Variants in ADGRV1 observed in about 807,000 individuals in gnomAD.
ADGRV1 encodes the protein G-protein coupled receptor 98.
Under a neutral mutation model 596.2 loss-of-function variants are expected in ADGRV1, and 359 were observed. The ratio of observed to expected loss-of-function variants is 0.60; its 90% confidence interval spans 0.55 to 0.66. ADGRV1 has a LOEUF of 0.66. ADGRV1 is among the 30% of genes least tolerant of loss of function. The pLI is 0.00. For missense variants in ADGRV1, 7,274 were observed against 7,575.6 expected (o/e 0.96, Z 1.48); for synonymous variants, 2,681 against 2,679.2 (o/e 1.00, Z -0.02).
intron 70 of ADGRV1, among the ~76,000 whole-genome samples, chr5:90,802,253 G>T (rs1761453011): frequency 1.3e-5 from 2 of 152,070 alleles, no homozygotes; most frequent in Non-Finnish European, 2.9e-5. Flanking sequence ...GTCTTGCACT[G>T]TTGCCAGGCT....
intron 25 of ADGRV1, among the ~76,000 whole-genome samples, chr5:90,677,010 C>T (rs576153548): frequency 3.0e-4 from 46 of 152,204 alleles, no homozygotes; most frequent in African/African-American, 1.1e-3. Flanking sequence ...ATGTGTTTAT[C>T]AGGTGCTACT....
rs773573617 is a variant in ADGRV1 at position 90,778,602 on chromosome 5, C to G, written c.12842C>G (p.Ala4281Gly). ...CATGAGCAACTTCGAGTGTCAGAAG[C>G]ACAGAGGGTATAGTATGAAATGCTT... ...FSHEQLRVSE[A>G]QRVNITIIRS... Residue 4281 changes from alanine (A) to glycine (G), a missense_variant, in exon 63 of 90, where the codon GCA becomes GGA. By Grantham distance (60) the Ala-to-Gly change is moderately conservative. Around this residue, in one of 5 missense-constraint regions of ADGRV1, gnomAD observed 3,643 missense variants for 3,809.2 expected, o/e 0.96. Transcript: ENST00000405460. 8 of 1,595,194 alleles carry G rather than the reference C, an allele frequency of 5.0e-6. No individual in the cohort carries two copies. Among genetic ancestry groups the G allele is most frequent in the Non-Finnish European group, 6.8e-6 (8 of 1,170,202 alleles).
At position 90,651,645 on chromosome 5, in the gene ADGRV1, A is replaced by G; in HGVS notation, c.3331A>G (p.Ile1111Val). Residue 1111 changes from isoleucine to valine, a missense_variant, in exon 18 of 90, where the codon ATT becomes GTT. Coordinates refer to ENST00000405460, the MANE Select transcript of ADGRV1 (RefSeq NM_032119.4). ...TCAATATGGAGTAGCTACAGTAATA[A>G]TTGAAGCTAATGATGACCCAAATGG... ...VYQYGVATVI[I>V]EANDDPNGIF... 6.2e-7 allele frequency: 1 copy of G among 1,610,922 alleles called. No homozygotes were observed. Among genetic ancestry groups the G allele is most frequent in the Non-Finnish European group, 8.5e-7 (1 of 1,177,550 alleles).
chr5:91,118,711 C>A (rs1307866743), intron 87 of ADGRV1, among the ~76,000 whole-genome samples: 1 of 152,200 alleles, frequency 6.6e-6, no homozygotes, highest in Non-Finnish European at 1.5e-5. Context: ...ACACCTCTTA[C>A]AGTGCTAAGA....
intron 32 of ADGRV1, 91 bp from the exon 33 acceptor site, chr5:90,693,799 A>G: frequency 1.0e-6 from 1 of 982,448 alleles, no homozygotes; most frequent in Admixed American, 3.1e-5. Flanking sequence ...ATTTTTTTAA[A>G]AAACTAAAGA....
intron 59 of ADGRV1, among the ~76,000 whole-genome samples, chr5:90,771,496 T>C (rs1757689193): frequency 1.3e-5 from 2 of 152,144 alleles, no homozygotes; most frequent in South Asian, 4.1e-4. Flanking sequence ...TTAGAAAGTG[T>C]TTTATACAAC....
At chr5:90,704,532 C>G in intron 36 of ADGRV1, 44 bp downstream of exon 36, 1 of 1,225,022 alleles carries the variant, frequency 8.2e-7, no homozygotes. Context: ...ATATTCTTTT[C>G]GTAAAAGAAA....
intron 85 of ADGRV1, among the ~76,000 whole-genome samples, chr5:91,036,174 A>G (rs1233760976): frequency 6.6e-6 from 1 of 151,962 alleles, no homozygotes; most frequent in Non-Finnish European, 1.5e-5. Context: ...CTCCTTAGAA[A>G]ATCTGGTAAC....
rs991573065 is a variant in ADGRV1, at chr5:90,752,481, G to A, written c.11122-1093G>A. Among the ~76,000 whole-genome samples, 6 of 152,034 alleles carry A rather than the reference G, an allele frequency of 3.9e-5. No individual in the cohort carries two copies. The South Asian group carries it at 1.2e-3, about 32-fold the overall frequency. On this transcript the variant is annotated intron_variant, in intron 53 of 89. Coordinates refer to ENST00000405460, the MANE Select transcript of ADGRV1 (RefSeq NM_032119.4). The stretch of plus-strand genomic sequence containing the variant: ...TCCACCCTTGAATAAGCCCCAGTGT[G>A]TGTTGTTTCCCTCTATGCGTCCATG...
At chr5:91,120,983 G>A (rs1793265316) in intron 87 of ADGRV1, among the ~76,000 whole-genome samples, 1 of 152,122 alleles carries the variant, frequency 6.6e-6, no homozygotes, top group Non-Finnish European at 1.5e-5. Flanking sequence ...AGACCAGCCT[G>A]GCCAACATGG....
intron 75 of ADGRV1, among the ~76,000 whole-genome samples, chr5:90,822,849 C>A (rs1391652722): frequency 6.6e-6 from 1 of 152,072 alleles, no homozygotes; most frequent in Non-Finnish European, 1.5e-5. Context: ...CTTCACATCC[C>A]TTGTAAGTTG....
intron 1 of ADGRV1, among the ~76,000 whole-genome samples, chr5:90,595,315 C>G (rs1435471516): frequency 1.6e-5 from 1 of 62,732 alleles, no homozygotes; most frequent in Non-Finnish European, 2.9e-5. Flanking sequence ...ACCTCCCAGA[C>G]GGGGCGGCTG....
At chr5:91,124,782 C>T (rs1793607518) in intron 87 of ADGRV1, among the ~76,000 whole-genome samples, 1 of 152,136 alleles carries the variant, frequency 6.6e-6, no homozygotes, top group South Asian at 2.1e-4. Flanking sequence ...TTATTTAGTT[C>T]AGAGAAATTA....
chr5:90,675,227 C>G lies in ADGRV1; in HGVS notation c.5111-16C>G, dbSNP rs776299842. The G allele has an allele frequency of 4.4e-6, 7 of 1,608,200 alleles. No homozygotes were observed. In the East Asian group the frequency reaches 1.6e-4, roughly 36 times the overall value. ...AGTTCATTGGGACAATGCCCTGGCC[C>G]CTTTGTCTCCACTAGGCTTGCTGCA... On this transcript the variant is annotated splice_polypyrimidine_tract_variant and intron_variant, in intron 23 of 89. Coordinates refer to ENST00000405460, the MANE Select transcript of ADGRV1 (RefSeq NM_032119.4).
intron 87 of ADGRV1, among the ~76,000 whole-genome samples, chr5:91,134,125 G>T (rs1794436596): frequency 6.6e-6 from 1 of 151,982 alleles, no homozygotes; most frequent in African/African-American, 2.4e-5. Flanking sequence ...AGAAAAGTAG[G>T]CAAGTACAGA....
intron 1 of ADGRV1, among the ~76,000 whole-genome samples, chr5:90,595,848 C>T (rs1760415131): frequency 6.7e-6 from 1 of 149,810 alleles, no homozygotes; most frequent in African/African-American, 2.5e-5. Flanking sequence ...CTGACGCCCC[C>T]ACCTCCCTCC....
At chr5:90,956,109 A>T (rs1777454166) in intron 83 of ADGRV1, among the ~76,000 whole-genome samples, 1 of 152,144 alleles carries the variant, frequency 6.6e-6, no homozygotes, top group African/African-American at 2.4e-5. Context: ...ATGTATGCTT[A>T]TCTAAGTCCA....
Position 90,778,612 on chromosome 5 carries a change from A to AT in ADGRV1, c.12849+4dup. The AT allele has an allele frequency of 1.3e-6, 2 of 1,542,976 alleles. No individual in the cohort carries two copies. Among genetic ancestry groups the AT allele is most frequent in the Non-Finnish European group, 1.7e-6 (2 of 1,147,988 alleles). On this transcript the variant is annotated splice_donor_region_variant and intron_variant, in intron 63 of 89. Transcript: ENST00000405460. ...TTCGAGTGTCAGAAGCACAGAGGGT[A>AT]TAGTATGAAATGCTTAAGATTTTAA... is the stretch of plus-strand genomic sequence containing the variant.
Position 90,579,631 on chromosome 5 carries a change from G to GC in ADGRV1, c.22+20715dup, listed in dbSNP as rs1424264732. ...TAGATGTCTATTAGGTCCACTTGGTGCAGAGCTGAGTTCATGTCCTGGATA... is the reference window on the plus strand; with the variant it reads ...TAGATGTCTATTAGGTCCACTTGGTGCCAGAGCTGAGTTCATGTCCTGGATA... On this transcript the variant is annotated intron_variant, in intron 1 of 89. Coordinates refer to ENST00000405460, the MANE Select transcript of ADGRV1 (RefSeq NM_032119.4). 2.6e-5 allele frequency among the ~76,000 whole-genome samples: 4 copies of GC among 152,146 alleles called. No homozygotes were observed. In the South Asian group the frequency reaches 8.3e-4, roughly 32 times the overall value.
Sources: allele counts gnomAD v4.1 joint callset (sites outside exome capture counted in the v4.1 genomes callset), GRCh38; gene constraint gnomAD v4.1.1; regional missense constraint gnomAD v4.1.1; transcripts MANE v1.5; gene names NCBI Gene and HGNC (gene_info 2026-07-23, HGNC 2026-07-21).